Variants in HMOX2 observed in about 807,000 individuals in gnomAD.
The protein encoded by HMOX2 is heme oxygenase 2, also known as heme oxygenase (decycling) 2.
In HMOX2, 30 loss-of-function variants were observed where a neutral mutation model predicts 33.7. That is an observed-to-expected ratio of 0.89 (90% CI 0.67 to 1.21). The LOEUF (loss-of-function observed/expected upper bound fraction) is 1.21. Among genes scored for constraint, HMOX2 ranks in the 50% most tolerant of loss-of-function variants. The pLI, the probability that HMOX2 is intolerant of heterozygous loss-of-function variation, is 0.00. For synonymous variants in HMOX2, 155 were observed against 155.0 expected (o/e 1.00, Z 0.00); for missense variants, 403 against 399.1 (o/e 1.01, Z -0.08).
chr16:4,507,056 G>T, intron 3 of HMOX2, 44 bp downstream of exon 3: 1 of 1,315,380 alleles, frequency 7.6e-7, no homozygotes. Flanking sequence ...ATGGGGTTGG[G>T]GTGGGGGCCT....
chr16:4,491,109 A>C (rs1469563349), intron 1 of HMOX2, among the ~76,000 whole-genome samples: 1 of 152,206 alleles, frequency 6.6e-6, no homozygotes, highest in Non-Finnish European at 1.5e-5. Context: ...GTGGAGAAAC[A>C]CTGGATTGGA....
chr16:4,494,170 G>C (rs1320805329), intron 1 of HMOX2, among the ~76,000 whole-genome samples: 1 of 152,072 alleles, frequency 6.6e-6, no homozygotes, highest in Non-Finnish European at 1.5e-5. Flanking sequence ...CAAAAAATTA[G>C]CGGGGCGTGG....
chr16:4,490,101 A>G (rs1357445410), intron 1 of HMOX2, among the ~76,000 whole-genome samples: 1 of 152,240 alleles, frequency 6.6e-6, no homozygotes, highest in African/African-American at 2.4e-5. Flanking sequence ...ATATAAACAT[A>G]CACATACCAT....
chr16:4,507,627 TG>T (rs1567403430), intron 3 of HMOX2, 85 bp from the exon 4 acceptor site: 12 of 1,419,880 alleles, frequency 8.5e-6, no homozygotes, highest in Admixed American at 2.1e-5. Context: ...TCTTTGGGGT[TG>T]GGGGTTGTCA....
chr16:4,479,202 T>C (rs1374176089), intron 1 of HMOX2, among the ~76,000 whole-genome samples: 1 of 152,042 alleles, frequency 6.6e-6, no homozygotes, highest in Non-Finnish European at 1.5e-5. Flanking sequence ...TGCTAGCACA[T>C]ACCTGTAATC....
In HMOX2 at chr16:4,509,469, G is replaced by A. The variant is rs1293529381; in HGVS notation, c.754G>A (p.Gly252Arg). Residue 252 changes from glycine to arginine, a missense_variant, in exon 5 of 6, where the codon GGG (glycine) becomes AGG (arginine). Physicochemically the swap from Gly to Arg is moderately radical, Grantham distance 125. Transcript: ENST00000570646. ...STLARETLED[G>R]FPVHDGKGDM... ...ACTGGCCAGAGAGACCTTGGAGGATGGGTTCCCTGTACACGATGGGAAAGG... is the reference window on the plus strand; with the variant it reads ...ACTGGCCAGAGAGACCTTGGAGGATAGGTTCCCTGTACACGATGGGAAAGG... 1.9e-6 allele frequency: 3 copies of A among 1,614,194 alleles called. No homozygotes were observed. The highest frequency in any genetic ancestry group is 8.5e-7 in the Non-Finnish European group (1 of 1,180,016).
intron 4 of HMOX2, 36 bp downstream of exon 4, chr16:4,508,240 A>T (rs2058746137): frequency 6.4e-7 from 1 of 1,563,336 alleles, no homozygotes; most frequent in Non-Finnish European, 8.7e-7. Context: ...AGGGCTGAAG[A>T]GGGAAACTTT....
intron 1 of HMOX2, chr16:4,503,066 C>G: frequency 6.6e-6 from 1 of 152,166 alleles, no homozygotes; most frequent in East Asian, 1.9e-4. Flanking sequence ...CTGCCCACCT[C>G]GGCCTCCCAA....
At chr16:4,501,538 T>G (rs920655885) in intron 1 of HMOX2, among the ~76,000 whole-genome samples, 2 of 152,220 alleles carry the variant, frequency 1.3e-5, no homozygotes, top group Non-Finnish European at 2.9e-5. Context: ...TCTTGAAGTG[T>G]ATTTCCCAGA....
chr16:4,489,588 A>G (rs915612582), intron 1 of HMOX2, among the ~76,000 whole-genome samples: 3 of 152,072 alleles, frequency 2.0e-5, no homozygotes, highest in Non-Finnish European at 4.4e-5. Context: ...CCTCCCAGGT[A>G]GCTGGGACTA....
chr16:4,487,669 T>C (rs4786503), intron 1 of HMOX2, among the ~76,000 whole-genome samples: 102,144 of 151,412 alleles, frequency 0.67, 34,904 homozygotes, highest in Non-Finnish European at 0.73. Context: ...GCGTGGTGGC[T>C]GGCGCCTGTA....
At chr16:4,477,496 C>CACA (rs1476006439) in intron 1 of HMOX2, among the ~76,000 whole-genome samples, 1 of 71,576 alleles carries the variant, frequency 1.4e-5, no homozygotes, top group Non-Finnish European at 2.7e-5. Context: ...AAGACTCCAT[C>CACA]TAAAAAAAAA....
At chr16:4,480,058 A>ATTTTTT (rs1369900109) in intron 1 of HMOX2, among the ~76,000 whole-genome samples, 1 of 133,624 alleles carries the variant, frequency 7.5e-6, no homozygotes, top group Admixed American at 7.5e-5. Flanking sequence ...TTTATTTTTT[A>ATTTTTT]TTTTTTTGAA....
intron 1 of HMOX2, chr16:4,496,813 C>T (rs1596464340): frequency 6.6e-6 from 1 of 151,880 alleles, no homozygotes; most frequent in Non-Finnish European, 1.5e-5. Flanking sequence ...ACTTGAGGGC[C>T]TTCTGCCAAG....
intron 1 of HMOX2, among the ~76,000 whole-genome samples, chr16:4,498,896 A>G (rs1019063060): frequency 2.0e-5 from 3 of 152,194 alleles, no homozygotes; most frequent in Non-Finnish European, 4.4e-5. Context: ...AGTCTCTGTT[A>G]TCTCGTGCCT....
chr16:4,496,397 T>A (rs565609526), intron 1 of HMOX2: 1 of 152,344 alleles, frequency 6.6e-6, no homozygotes, highest in East Asian at 1.9e-4. Flanking sequence ...GAGCTGGGAT[T>A]ATAGGTGTGA....
intron 3 of HMOX2, among the ~76,000 whole-genome samples, chr16:4,507,483 T>G (rs948339233): frequency 6.6e-6 from 1 of 151,848 alleles, no homozygotes; most frequent in Non-Finnish European, 1.5e-5. Context: ...ATGGCTTAGA[T>G]AGAATAACAT....
chr16:4,493,373 A>G (rs1011554504), intron 1 of HMOX2, among the ~76,000 whole-genome samples: 3 of 152,180 alleles, frequency 2.0e-5, no homozygotes, highest in Admixed American at 2.0e-4. Flanking sequence ...TTAAATTGCA[A>G]GTGACATATT....
At chr16:4,475,357 T>TAA (rs1256310146), upstream of HMOX2, among the ~76,000 whole-genome samples, 5,195 of 151,740 alleles carry the variant, frequency 0.034, 302 homozygotes, top group African/African-American at 0.12. Context: ...CAGGCTGGAG[T>TAA]GCAGTGGTGG....
Sources: gnomAD v4.1 joint callset for allele counts (sites outside exome capture counted in the v4.1 genomes callset) on GRCh38, gnomAD v4.1.1 for gene constraint, MANE v1.5 for transcripts, NCBI Gene and HGNC (gene_info 2026-07-23, HGNC 2026-07-21) for gene names.